SCGB2B2: variants seen among roughly 807,000 people sequenced by gnomAD.
SCGB2B2 encodes secretoglobin family 2B member 2, also known as secretoglobin-like protein.
A neutral mutation model predicts 7.6 loss-of-function variants in SCGB2B2; 11 were observed. The ratio of observed to expected loss-of-function variants is 1.45; its 90% CI spans 0.91 to 2.40. The LOEUF is 2.40. SCGB2B2 is among the 30% of genes most tolerant of loss of function. SCGB2B2 has a pLI of 0.00. For synonymous variants in SCGB2B2, 50 were observed against 48.6 expected (o/e 1.03, Z -0.12); for missense variants, 104 against 115.4 (o/e 0.90, Z 0.45).
chr19:34,646,922 G>A (rs1471334782), intron 1 of SCGB2B2: 1 of 152,224 alleles, frequency 6.6e-6, no homozygotes, highest in Non-Finnish European at 1.5e-5. Context: ...GTACACATGT[G>A]TGTTTTCTGA....
intron 1 of SCGB2B2, among the ~76,000 whole-genome samples, chr19:34,631,212 T>A (rs1286351463): frequency 6.6e-6 from 1 of 151,920 alleles, no homozygotes; most frequent in Non-Finnish European, 1.5e-5. Flanking sequence ...CATGTATACA[T>A]ATGTAACAAA....
chr19:34,595,509 A>C lies in SCGB2B2; in HGVS notation c.-946T>G, dbSNP rs926686917. Reference sequence around the variant, plus strand: ...GGAGCGGCCTTGACTGGGAGCCTGCACGTCTGTCCACATTCCAGTGTTTCA... The same window carrying C: ...GGAGCGGCCTTGACTGGGAGCCTGCCCGTCTGTCCACATTCCAGTGTTTCA... On this transcript the variant is annotated 5_prime_UTR_variant, in exon 2 of 4. Coordinates refer to ENST00000601241, the MANE Select transcript of SCGB2B2 (RefSeq NM_001025591.4). The C allele has an allele frequency of 6.6e-6, 1 of 152,610 alleles. No individual in the cohort carries two copies. Among genetic ancestry groups the C allele is most frequent in the African/African-American group, 2.4e-5 (1 of 41,456 alleles). The allele number at this position is 152,610 out of a possible 1,614,324, so 9.5% of individuals were successfully genotyped here.
rs1177007029 is a variant in SCGB2B2, at chr19:34,591,455, C to G, written c.*2100G>C. On this transcript the variant is annotated 3_prime_UTR_variant, in exon 4 of 4. Coordinates refer to ENST00000601241, the MANE Select transcript of SCGB2B2 (RefSeq NM_001025591.4). ...GCCACGGTGTCTACCTGGACGGCCA[C>G]AGGGACTCCCAGTTGGTCTTCCTGC... is the stretch of plus-strand genomic sequence containing the variant. 1.3e-5 allele frequency among the ~76,000 whole-genome samples: 2 copies of G among 152,228 alleles called. No individual in the cohort carries two copies. The highest frequency in any genetic ancestry group is 4.8e-5 in the African/African-American group (2 of 41,462).
chr19:34,652,693 A>G (rs2146084970), intron 1 of SCGB2B2, among the ~76,000 whole-genome samples: 1 of 151,484 alleles, frequency 6.6e-6, no homozygotes, highest in South Asian at 2.1e-4. Flanking sequence ...TACTATGAAA[A>G]AGACAAAAGA....
rs577805212 is a variant in SCGB2B2, at chr19:34,647,017, G to A, written c.-2032+28613C>T. Among the ~76,000 whole-genome samples, 321 of 149,152 alleles carry A rather than the reference G, an allele frequency of 2.2e-3. 2 individuals carry two copies. The highest frequency in any genetic ancestry group is 7.6e-3 in the African/African-American group (307 of 40,364). On this transcript the variant is annotated intron_variant, in intron 1 of 3. Transcript: ENST00000601241. ...TCTACCCCCAGCACAACCCCACCCCGCCTTGACCCAACCCCCCAGGACTCC... is the reference window on the plus strand; with the variant it reads ...TCTACCCCCAGCACAACCCCACCCCACCTTGACCCAACCCCCCAGGACTCC...
At chr19:34,654,904 G>A (rs1234714231) in intron 1 of SCGB2B2, among the ~76,000 whole-genome samples, 1 of 151,106 alleles carries the variant, frequency 6.6e-6, no homozygotes. Context: ...CAATGCCACG[G>A]TCTCCCTGAA....
intron 1 of SCGB2B2, among the ~76,000 whole-genome samples, chr19:34,609,659 T>C (rs2065877303): frequency 6.6e-6 from 1 of 152,180 alleles, no homozygotes; most frequent in Non-Finnish European, 1.5e-5. Context: ...GTGTTGTCTA[T>C]TTAGTTCCAT....
At chr19:34,662,666 G>T (rs1223367793) in intron 1 of SCGB2B2, among the ~76,000 whole-genome samples, 2 of 151,890 alleles carry the variant, frequency 1.3e-5, no homozygotes, top group East Asian at 3.9e-4. Flanking sequence ...ACCAAACAAG[G>T]GCTCTTATCA....
intron 1 of SCGB2B2, among the ~76,000 whole-genome samples, chr19:34,673,563 T>A (rs948825996): frequency 6.6e-6 from 1 of 152,236 alleles, no homozygotes; most frequent in Middle Eastern, 3.4e-3. Flanking sequence ...TGGCTTTAAG[T>A]TTTTCTTATA....
At chr19:34,603,302 T>A (rs2065682871) in intron 1 of SCGB2B2, among the ~76,000 whole-genome samples, 1 of 152,212 alleles carries the variant, frequency 6.6e-6, no homozygotes, top group Admixed American at 6.5e-5. Context: ...TTGAAATTAA[T>A]GTGCATGAGG....
chr19:34,594,732 A>ACCCTC lies in SCGB2B2; in HGVS notation c.-174_-170dup. 1.5e-6 allele frequency: 1 copy of ACCCTC among 672,010 alleles called. No homozygotes were observed. Among genetic ancestry groups the ACCCTC allele is most frequent in the Non-Finnish European group, 2.7e-6 (1 of 370,516 alleles). 41.6% of individuals were successfully genotyped at this position (672,010 alleles called of 1,614,324 possible). On this transcript the variant is annotated 5_prime_UTR_variant, in exon 2 of 4. The change abolishes the stop of an existing upstream ORF in the 5' untranslated region. Coordinates refer to ENST00000601241, the MANE Select transcript of SCGB2B2 (RefSeq NM_001025591.4). ...GTGGTCAGGGCAGGTCTGCAGAGAG[A>ACCCTC]CCCTCGGCCCTGGGCCATGCTGTTG...
chr19:34,606,897 G>A (rs1466757752), intron 1 of SCGB2B2, among the ~76,000 whole-genome samples: 3 of 151,900 alleles, frequency 2.0e-5, no homozygotes, highest in Non-Finnish European at 4.4e-5. Flanking sequence ...ATTGTGGAAT[G>A]TATCCCCTGC....
At chr19:34,605,887 C>T (rs1039689382) in intron 1 of SCGB2B2, among the ~76,000 whole-genome samples, 1 of 152,092 alleles carries the variant, frequency 6.6e-6, no homozygotes, top group African/African-American at 2.4e-5. Context: ...AGCCACTGCA[C>T]CCGGCTAATC....
chr19:34,673,840 G>A (rs571882288), intron 1 of SCGB2B2, among the ~76,000 whole-genome samples: 28 of 152,242 alleles, frequency 1.8e-4, no homozygotes, highest in African/African-American at 6.5e-4. Context: ...GGCCATGACC[G>A]ACAAGGAATG....
At chr19:34,670,496 G>A (rs2067773661) in intron 1 of SCGB2B2, among the ~76,000 whole-genome samples, 3 of 152,146 alleles carry the variant, frequency 2.0e-5, no homozygotes, top group Admixed American at 1.3e-4. Flanking sequence ...AATAACTAAT[G>A]TTTACAATTT....
Position 34,614,281 on chromosome 19 carries a change from C to CT in SCGB2B2, c.-2031-17688dup, listed in dbSNP as rs199886722. Among the ~76,000 whole-genome samples, 1,217 of 151,504 alleles carry CT rather than the reference C, an allele frequency of 8.0e-3. 13 individuals are homozygous for CT. Among genetic ancestry groups the CT allele is most frequent in the Admixed American group, 0.013 (191 of 15,208 alleles). ...TAGTGGTGTTGCATAAGTTTTATAA[C>CT]TTTTTTTTTCACTGTTTTTCACTCT... On this transcript the variant is annotated intron_variant, in intron 1 of 3. Coordinates refer to ENST00000601241, the MANE Select transcript of SCGB2B2 (RefSeq NM_001025591.4).
intron 1 of SCGB2B2, among the ~76,000 whole-genome samples, chr19:34,601,933 T>C (rs1270194546): frequency 1.3e-5 from 2 of 152,138 alleles, no homozygotes; most frequent in East Asian, 1.9e-4. Flanking sequence ...TTTTATTTTA[T>C]AATAATTTTT....
intron 1 of SCGB2B2, among the ~76,000 whole-genome samples, chr19:34,665,536 G>T (rs1159371554): frequency 7.9e-5 from 12 of 152,340 alleles, no homozygotes; most frequent in South Asian, 6.2e-4. Context: ...GTCATGTCAT[G>T]CAGGTGACCT....
intron 1 of SCGB2B2, among the ~76,000 whole-genome samples, chr19:34,599,650 C>A (rs1478400479): frequency 6.6e-6 from 1 of 152,156 alleles, no homozygotes; most frequent in African/African-American, 2.4e-5. Context: ...TATAGGCATA[C>A]AATTCAAGAT....
Sources: allele counts gnomAD v4.1 joint callset (sites outside exome capture counted in the v4.1 genomes callset), GRCh38; gene constraint gnomAD v4.1.1; transcripts MANE v1.5; gene names NCBI Gene and HGNC (gene_info 2026-07-23, HGNC 2026-07-21).